Variants in ENKUR observed in about 807,000 individuals in gnomAD.
ENKUR encodes the protein enkurin, TRPC channel interacting protein.
In ENKUR, 19 loss-of-function variants were observed where a neutral mutation model predicts 27.6. The observed-to-expected ratio is 0.69, with a 90% CI of 0.48 to 1.01. The LOEUF is 1.01. ENKUR is among the 50% of genes least tolerant of loss of function. The pLI is 0.00. For synonymous variants in ENKUR, 117 were observed against 96.9 expected, an observed-to-expected ratio of 1.21 and a Z score of -1.22; for missense variants, 312 against 310.5, an observed-to-expected ratio of 1.00 and a Z score of -0.04.
intron 2 of ENKUR, chr10:25,023,247 TCATCTG>T: frequency 1.2e-6 from 2 of 1,612,598 alleles, no homozygotes. Context: ...ACCGATGTCA[TCATCTG>T]AAAAAGATAA....
chr10:25,012,651 C>T (rs191931780), intron 1 of ENKUR, among the ~76,000 whole-genome samples: 144 of 152,266 alleles, frequency 9.5e-4, no homozygotes, highest in African/African-American at 3.3e-3. Context: ...TCTGCTATTT[C>T]GAATGGTTAT....
chr10:24,986,080 C>G (rs1409239581), intron 4 of ENKUR, among the ~76,000 whole-genome samples: 2 of 152,086 alleles, frequency 1.3e-5, no homozygotes, highest in African/African-American at 4.8e-5. Flanking sequence ...AAAACAAAAA[C>G]AAAACCAAAA....
chr10:25,026,765 G>C (rs571395924), intron 2 of ENKUR: 1 of 152,998 alleles, frequency 6.5e-6, no homozygotes, highest in South Asian at 2.1e-4. Context: ...CCTCCATAAA[G>C]AAATATATTG....
At chr10:25,004,136 C>T (rs1048063804) in intron 1 of ENKUR, among the ~76,000 whole-genome samples, 2 of 152,204 alleles carry the variant, frequency 1.3e-5, no homozygotes, top group African/African-American at 2.4e-5. Flanking sequence ...AATAGTATCC[C>T]ATGGTGTATA....
chr10:24,990,942 A>C (rs1849913112), intron 3 of ENKUR, among the ~76,000 whole-genome samples: 1 of 152,188 alleles, frequency 6.6e-6, no homozygotes, highest in African/African-American at 2.4e-5. Context: ...TCTACTAAAA[A>C]TACAGAAATT....
At chr10:25,060,967 G>T in intron 2 of ENKUR, 1 of 659,548 alleles carries the variant, frequency 1.5e-6, no homozygotes, top group Non-Finnish European at 2.6e-6. Context: ...TCCCACCTCA[G>T]CCTCCCAAAG....
At chr10:25,042,387 C>T (rs780867061) in intron 2 of ENKUR, among the ~76,000 whole-genome samples, 4 of 151,776 alleles carry the variant, frequency 2.6e-5, no homozygotes, top group South Asian at 2.1e-4. Context: ...CTCCGCCTCC[C>T]GGGTTCAAGC....
At chr10:24,996,456 G>GTGTGTGTATATA (rs757314440) in intron 2 of ENKUR, among the ~76,000 whole-genome samples, 4 of 149,806 alleles carry the variant, frequency 2.7e-5, no homozygotes, top group African/African-American at 9.8e-5. Context: ...GTGTGTGTGT[G>GTGTGTGTATATA]TATATATATA....
intron 1 of ENKUR, among the ~76,000 whole-genome samples, chr10:25,006,262 T>C (rs1395663773): frequency 6.6e-6 from 1 of 152,178 alleles, no homozygotes; most frequent in Non-Finnish European, 1.5e-5. Context: ...AGGGCAACAG[T>C]AGACTTATGA....
intron 1 of ENKUR, among the ~76,000 whole-genome samples, chr10:25,061,877 T>G (rs1396377739): frequency 6.6e-6 from 1 of 152,224 alleles, no homozygotes; most frequent in Non-Finnish European, 1.5e-5. Flanking sequence ...CCCCAGCGAT[T>G]CACTGCTATG....
At chr10:24,988,975 A>G (rs1006043405) in intron 4 of ENKUR, among the ~76,000 whole-genome samples, 7 of 151,738 alleles carry the variant, frequency 4.6e-5, no homozygotes, top group Non-Finnish European at 1.0e-4. Context: ...CGTCCAGTGG[A>G]TGATTTGCTA....
intron 2 of ENKUR, among the ~76,000 whole-genome samples, chr10:25,028,367 C>A (rs1490248682): frequency 2.0e-5 from 3 of 152,158 alleles, no homozygotes; most frequent in African/African-American, 7.2e-5. Context: ...TTTGCTGCAT[C>A]CATTTCTGTC....
At chr10:25,024,227 G>T in intron 2 of ENKUR, 1 of 1,614,156 alleles carries the variant, frequency 6.2e-7, no homozygotes, top group Non-Finnish European at 8.5e-7. Flanking sequence ...CACCTTTCAG[G>T]CAACCAGTTC....
chr10:25,058,252 T>C (rs1487158566), intron 2 of ENKUR, among the ~76,000 whole-genome samples: 2 of 152,210 alleles, frequency 1.3e-5, no homozygotes, highest in African/African-American at 4.8e-5. Flanking sequence ...CTGTCACCCA[T>C]GCTGGAGTAC....
At chr10:25,053,137 G>A (rs951524135) in intron 2 of ENKUR, among the ~76,000 whole-genome samples, 6 of 151,388 alleles carry the variant, frequency 4.0e-5, no homozygotes, top group African/African-American at 1.5e-4. Context: ...TTTCAGTTAG[G>A]CACCTTTTTT....
At chr10:25,016,913 T>C (rs1365717124), upstream of ENKUR, 2 of 152,546 alleles carry the variant, frequency 1.3e-5, no homozygotes, top group African/African-American at 4.8e-5. Flanking sequence ...GCGCGCATTT[T>C]TCCTGCTGCT....
At chr10:25,033,847 CTATCT>C (rs1392777054) in intron 2 of ENKUR, among the ~76,000 whole-genome samples, 2 of 151,582 alleles carry the variant, frequency 1.3e-5, no homozygotes, top group African/African-American at 4.8e-5. Flanking sequence ...ATCTATCTAT[CTATCT>C]ATCTATCTAT....
chr10:25,005,883 G>A (rs1338979681), intron 1 of ENKUR, among the ~76,000 whole-genome samples: 1 of 152,204 alleles, frequency 6.6e-6, no homozygotes, highest in Non-Finnish European at 1.5e-5. Context: ...AATATCAAAA[G>A]AGTATGTAGT....
chr10:25,047,347 A>G (rs1029584081), intron 2 of ENKUR, among the ~76,000 whole-genome samples: 9 of 152,226 alleles, frequency 5.9e-5, no homozygotes, highest in Non-Finnish European at 1.3e-4. Context: ...AATTGTGGGC[A>G]GGGAAAGCAT....
Sources: gnomAD v4.1 joint callset for allele counts (sites outside exome capture counted in the v4.1 genomes callset) on GRCh38, gnomAD v4.1.1 for gene constraint, MANE v1.5 for transcripts, NCBI Gene and HGNC (gene_info 2026-07-23, HGNC 2026-07-21) for gene names.